The following MICU3 variants were observed in gnomAD, a reference collection of about 807,000 sequenced individuals.
The protein encoded by MICU3 is mitochondrial calcium uptake 3.
In MICU3, 62 loss-of-function variants were observed where a neutral mutation model predicts 66.5. That is an observed-to-expected ratio of 0.93 (90% CI 0.76 to 1.15). The LOEUF (loss-of-function observed/expected upper bound fraction) is 1.15. Among genes scored for constraint, MICU3 ranks in the 50% most tolerant of loss-of-function variants. MICU3 has a pLI of 0.00. For missense variants in MICU3, 779 were observed against 664.4 expected (o/e 1.17, Z -1.90); for synonymous variants, 308 against 240.7 (o/e 1.28, Z -2.59).
intron 9 of MICU3, chr8:17,102,441 T>C (rs1430279313): frequency 2.6e-5 from 4 of 152,044 alleles, no homozygotes; most frequent in African/African-American, 9.7e-5. Context: ...TGTTTGCTTA[T>C]ATTTTAACTT....
chr8:17,107,278 G>A (rs1337932030), intron 11 of MICU3, among the ~76,000 whole-genome samples: 1 of 152,142 alleles, frequency 6.6e-6, no homozygotes, highest in Admixed American at 6.5e-5. Flanking sequence ...AGAGTGAAGA[G>A]GTAACTTCTG....
chr8:17,110,184 C>A (rs918190629), intron 11 of MICU3, among the ~76,000 whole-genome samples: 2 of 152,118 alleles, frequency 1.3e-5, no homozygotes, highest in African/African-American at 4.8e-5. Context: ...TTAGTCAATA[C>A]TTTATTGTAA....
Position 17,122,429 on chromosome 8 carries a change from T to C in MICU3, c.*2142T>C, listed in dbSNP as rs1182382514. ...AGTGTTTCCTTCTATAAACTGTTCT[T>C]TGGAAAAATTAAGTTATACATAAAA... On this transcript the variant is annotated 3_prime_UTR_variant, in exon 15 of 15. Transcript: ENST00000318063. 6.6e-6 allele frequency: 1 copy of C among 151,856 alleles called. No homozygotes were observed. Among genetic ancestry groups the C allele is most frequent in the South Asian group, 2.1e-4 (1 of 4,822 alleles). The allele number at this position is 151,856 out of a possible 1,614,324, so 9.4% of individuals were successfully genotyped here. A position where few individuals can be genotyped will look rare whatever the true frequency, so the allele number is the denominator to read the frequency against.
At chr8:17,060,426 G>T (rs946060703) in intron 1 of MICU3, among the ~76,000 whole-genome samples, 2 of 151,962 alleles carry the variant, frequency 1.3e-5, no homozygotes. Context: ...TCCTGCCTCA[G>T]CCTCCCAAGT....
chr8:17,032,826 G>A (rs547883032), intron 1 of MICU3, among the ~76,000 whole-genome samples: 4 of 152,090 alleles, frequency 2.6e-5, no homozygotes, highest in Non-Finnish European at 5.9e-5. Flanking sequence ...CATTATACGC[G>A]TACTTAATGT....
At chr8:17,057,374 A>G (rs1045213201) in intron 1 of MICU3, among the ~76,000 whole-genome samples, 1 of 152,172 alleles carries the variant, frequency 6.6e-6, no homozygotes, top group Non-Finnish European at 1.5e-5. Flanking sequence ...AACAGGCGAC[A>G]CCCTGATCTC....
intron 8 of MICU3, among the ~76,000 whole-genome samples, chr8:17,096,979 G>A (rs1800769981): frequency 1.3e-5 from 2 of 151,154 alleles, no homozygotes; most frequent in Non-Finnish European, 1.5e-5. Context: ...GTGTGTGTGT[G>A]TGTGTGTGTG....
chr8:17,042,315 C>G (rs528932664), intron 1 of MICU3, among the ~76,000 whole-genome samples: 255 of 152,308 alleles, frequency 1.7e-3, no homozygotes, highest in South Asian at 4.6e-3. Flanking sequence ...TCTCACTGCT[C>G]TCCTGTAATT....
In MICU3 at chr8:17,122,384, A is replaced by G. The variant is rs1169376084; in HGVS notation, c.*2097A>G. 6.6e-6 allele frequency: 1 copy of G among 151,870 alleles called. No homozygotes were observed. Among genetic ancestry groups the G allele is most frequent in the Non-Finnish European group, 1.5e-5 (1 of 67,760 alleles). The allele number at this position is 151,870 out of a possible 1,614,324, so 9.4% of individuals were successfully genotyped here. A position where few individuals can be genotyped will look rare whatever the true frequency, so the allele number is the denominator to read the frequency against. On this transcript the variant is annotated 3_prime_UTR_variant, in exon 15 of 15. Transcript: ENST00000318063. ...GTTTGAAAATAATAATGTACTGACT[A>G]CATGTATGCTGTTATTGTCAGTGTT... is the stretch of plus-strand genomic sequence containing the variant.
Position 17,036,720 on chromosome 8 carries a change from G to A in MICU3, c.381+9060G>A, listed in dbSNP as rs997963300. ...TGAGCTAGATATAAAGACTCTCCACGTCCCCACCAGACTCAGGAGCCCAGC... is the reference window on the plus strand; with the variant it reads ...TGAGCTAGATATAAAGACTCTCCACATCCCCACCAGACTCAGGAGCCCAGC... On this transcript the variant is annotated intron_variant, in intron 1 of 14. Coordinates refer to ENST00000318063, the MANE Select transcript of MICU3 (RefSeq NM_181723.3). 1.2e-4 allele frequency among the ~76,000 whole-genome samples: 19 copies of A among 152,318 alleles called. No individual in the cohort carries two copies. In the South Asian group the frequency reaches 1.9e-3, roughly 15 times the overall value.
chr8:17,027,468 C>G lies in MICU3; in HGVS notation c.189C>G (p.Arg63=), dbSNP rs1811184110. 1 of 1,290,292 alleles carries G rather than the reference C, an allele frequency of 7.8e-7. No homozygotes were observed. Among genetic ancestry groups the G allele is most frequent in the Admixed American group, 4.2e-5 (1 of 23,950 alleles). 79.9% of individuals were successfully genotyped at this position (1,290,292 alleles called of 1,614,324 possible). ...VAEAAWRRRR[R]WGELSVAAAA... is the part of the protein sequence containing the mutation. ...AGGCGGCATGGAGGCGGCGGCGGCG[C>G]TGGGGGGAGCTGAGCGTGGCGGCGG... Residue 63 remains arginine, a synonymous_variant, in exon 1 of 15, where the codon CGC becomes CGG. Transcript: ENST00000318063.
At chr8:17,099,803 TTCAAA>T (rs1228175601) in intron 9 of MICU3, among the ~76,000 whole-genome samples, 2 of 151,726 alleles carry the variant, frequency 1.3e-5, no homozygotes, top group East Asian at 3.9e-4. Flanking sequence ...GTTTCCATGC[TTCAAA>T]TCAACAGTCA....
chr8:17,109,656 T>C (rs1196626125), intron 11 of MICU3, among the ~76,000 whole-genome samples: 1 of 152,102 alleles, frequency 6.6e-6, no homozygotes, highest in Non-Finnish European at 1.5e-5. Flanking sequence ...GGAAGGAAAC[T>C]ACATGGCTAA....
chr8:17,104,868 G>A lies in MICU3; in HGVS notation c.1085+377G>A, dbSNP rs1465788501. Among the ~76,000 whole-genome samples the A allele has an allele frequency of 9.6e-5, 8 of 83,124 alleles. 2 individuals carry two copies. The highest frequency in any genetic ancestry group is 1.4e-4 in the Non-Finnish European group (7 of 49,158). The allele number at this position is 83,124 out of a possible 152,430, so 54.5% of individuals were successfully genotyped here. A position where few individuals can be genotyped will look rare whatever the true frequency, so the allele number is the denominator to read the frequency against. ...AAATTAGCCGGGCGTGGTAGCGGGC[G>A]CCTGTAGTCCCAGCTACTCGGGAGG... On this transcript the variant is annotated intron_variant, in intron 10 of 14. Transcript: ENST00000318063.
chr8:17,094,094 C>T (rs917070796), intron 8 of MICU3, among the ~76,000 whole-genome samples: 7 of 151,950 alleles, frequency 4.6e-5, no homozygotes, highest in Non-Finnish European at 8.8e-5. Flanking sequence ...TTACCACCTA[C>T]TTATGCATCC....
intron 9 of MICU3, among the ~76,000 whole-genome samples, chr8:17,100,297 G>C (rs745895331): frequency 6.6e-6 from 1 of 151,238 alleles, no homozygotes; most frequent in Non-Finnish European, 1.5e-5. Flanking sequence ...CTAAATTAAT[G>C]AATGAATTGA....
intron 1 of MICU3, among the ~76,000 whole-genome samples, chr8:17,041,126 C>G (rs1038259625): frequency 6.6e-6 from 1 of 152,036 alleles, no homozygotes; most frequent in Non-Finnish European, 1.5e-5. Context: ...TATTAAAAAT[C>G]ATAAGAATGG....
chr8:17,047,105 A>G (rs1294469561), intron 1 of MICU3, among the ~76,000 whole-genome samples: 1 of 152,210 alleles, frequency 6.6e-6, no homozygotes, highest in Non-Finnish European at 1.5e-5. Context: ...ATAATAGGAT[A>G]ATTTGGTTGA....
chr8:17,128,928 G>A, the MICU3 span, among the ~76,000 whole-genome samples: 24 of 152,288 alleles, frequency 1.6e-4, 1 homozygote, highest in Admixed American at 2.0e-4. Context: ...TAAGCTGTAC[G>A]TAAGCAAGGC....
Sources: allele counts gnomAD v4.1 joint callset (sites outside exome capture counted in the v4.1 genomes callset), GRCh38; gene constraint gnomAD v4.1.1; transcripts MANE v1.5; gene names NCBI Gene and HGNC (gene_info 2026-07-23, HGNC 2026-07-21).